Variants in KCNAB1 observed in about 807,000 individuals in gnomAD.
KCNAB1 encodes voltage-gated potassium channel subunit beta-1.
A neutral mutation model predicts 64.6 loss-of-function variants in KCNAB1; 35 were observed. That is an observed-to-expected ratio of 0.54 (90% CI 0.41 to 0.72). The LOEUF (loss-of-function observed/expected upper bound fraction) is 0.72. Among genes scored for constraint, KCNAB1 ranks in the 30% least tolerant of loss-of-function variants. KCNAB1 has a pLI of 0.00. For missense variants in KCNAB1, 401 were observed against 512.9 expected (o/e 0.78, Z 2.11); for synonymous variants, 177 against 183.8 (o/e 0.96, Z 0.30).
rs1357744395 is a variant in KCNAB1, at chr3:156,459,836, G to C, written c.447G>C (p.Val149=). Residue 149 remains valine (V), a synonymous_variant, in exon 5 of 14, where the codon GTG becomes GTC. Transcript: ENST00000490337. The part of the protein sequence containing the change: ...AEVYAAGKAE[V]ILGSIIKKKG... Reference sequence around the variant, plus strand: ...CTGTTTCCCCTTCCAGGGCTGAAGTGATTCTGGGGAGCATCATCAAGAAGA... The same window carrying C: ...CTGTTTCCCCTTCCAGGGCTGAAGTCATTCTGGGGAGCATCATCAAGAAGA... 6 of 1,610,384 alleles carry C rather than the reference G, an allele frequency of 3.7e-6. No individual in the cohort carries two copies. The East Asian group carries it at 1.3e-4, about 36-fold the overall frequency.
intron 1 of KCNAB1, among the ~76,000 whole-genome samples, chr3:156,390,152 G>A (rs1208851374): frequency 6.6e-6 from 1 of 152,196 alleles, no homozygotes; most frequent in Non-Finnish European, 1.5e-5. Context: ...TCAAACCTAT[G>A]AAAGCAGCTC....
intron 1 of KCNAB1, among the ~76,000 whole-genome samples, chr3:156,242,734 A>C (rs114825835): frequency 0.016 from 2,391 of 149,226 alleles, 63 homozygotes; most frequent in African/African-American, 0.055. Context: ...CAGTGATTCC[A>C]GTTGTTATCA....
Position 156,248,571 on chromosome 3 carries a change from A to G in KCNAB1, c.275+127685A>G, listed in dbSNP as rs181193711. Among the ~76,000 whole-genome samples, 11 of 151,360 alleles carry G rather than the reference A, an allele frequency of 7.3e-5. No homozygotes were observed. The East Asian group carries it at 2.1e-3, about 30-fold the overall frequency. ...TACAGATGTAAGTACTATAGAATGA[A>G]TGCCATTAGTTAAGACTCTCTGGGG... On this transcript the variant is annotated intron_variant, in intron 1 of 13. Coordinates refer to ENST00000490337, the MANE Select transcript of KCNAB1 (RefSeq NM_172160.3).
chr3:156,408,017 C>G (rs1051623857), intron 1 of KCNAB1, among the ~76,000 whole-genome samples: 74 of 152,086 alleles, frequency 4.9e-4, no homozygotes, highest in African/African-American at 1.6e-3. Flanking sequence ...GCCATGGCAT[C>G]AATCACAGAG....
intron 1 of KCNAB1, among the ~76,000 whole-genome samples, chr3:156,164,887 G>A (rs1716279280): frequency 6.6e-6 from 1 of 152,212 alleles, no homozygotes; most frequent in Admixed American, 6.5e-5. Flanking sequence ...GATTGCAAGT[G>A]CTTAAATAGG....
At chr3:156,495,761 G>A (rs565539962) in intron 8 of KCNAB1, among the ~76,000 whole-genome samples, 11 of 152,276 alleles carry the variant, frequency 7.2e-5, no homozygotes, top group African/African-American at 2.6e-4. Context: ...TAGTTAACAT[G>A]TAAAGTGTTT....
chr3:156,484,587 A>G (rs1715063682), intron 8 of KCNAB1, among the ~76,000 whole-genome samples: 1 of 151,950 alleles, frequency 6.6e-6, no homozygotes. Flanking sequence ...CATTTCTGTA[A>G]GTTCCTCGAT....
At chr3:156,347,472 A>G (rs1014327715) in intron 1 of KCNAB1, among the ~76,000 whole-genome samples, 2 of 152,228 alleles carry the variant, frequency 1.3e-5, no homozygotes, top group Non-Finnish European at 2.9e-5. Flanking sequence ...ATCAGTGAGA[A>G]CCTAAATCAT....
At position 156,166,222 on chromosome 3, in the gene KCNAB1, T is replaced by C. The variant is rs1312825851; in HGVS notation, c.275+45336T>C. On this transcript the variant is annotated intron_variant, in intron 1 of 13. Coordinates refer to ENST00000490337, the MANE Select transcript of KCNAB1 (RefSeq NM_172160.3). ...TTAAGTGTAGTGTTGAAAACAATTATCAGTGTCATGCCATGGGCATGAGGC... is the reference window on the plus strand; with the variant it reads ...TTAAGTGTAGTGTTGAAAACAATTACCAGTGTCATGCCATGGGCATGAGGC... Among the ~76,000 whole-genome samples the C allele has an allele frequency of 3.9e-5, 6 of 152,198 alleles. No homozygotes were observed. In the East Asian group the frequency reaches 1.2e-3, roughly 29 times the overall value.
intron 1 of KCNAB1, among the ~76,000 whole-genome samples, chr3:156,393,738 C>G (rs1360893661): frequency 6.6e-6 from 1 of 152,144 alleles, no homozygotes; most frequent in African/African-American, 2.4e-5. Context: ...TTCCTCCATT[C>G]CCTCTTTCTA....
In KCNAB1 at chr3:156,537,251, AAGC is replaced by A. The variant is rs1427629998; in HGVS notation, c.*507_*509del. On this transcript the variant is annotated 3_prime_UTR_variant, in exon 14 of 14. Coordinates refer to ENST00000490337, the MANE Select transcript of KCNAB1 (RefSeq NM_172160.3). ...AATATATCTCACTGCAAAAAAAAAA[AAGC>A]AGTATCTTCACTCAAAAGTCTTGCT... The A allele has an allele frequency of 5.1e-6, 2 of 390,002 alleles. No homozygotes were observed. Among genetic ancestry groups the A allele is most frequent in the South Asian group, 1.4e-4 (1 of 6,910 alleles). 24.2% of individuals were successfully genotyped at this position (390,002 alleles called of 1,614,324 possible).
At chr3:156,528,187 A>AAAAAAAG (rs59586180) in intron 12 of KCNAB1, among the ~76,000 whole-genome samples, 10 of 151,260 alleles carry the variant, frequency 6.6e-5, no homozygotes, top group Admixed American at 2.6e-4. Context: ...AAAAAAAAAA[A>AAAAAAAG]AGAGAGAGAA....
At chr3:156,510,826 G>A (rs1386737480) in intron 8 of KCNAB1, among the ~76,000 whole-genome samples, 1 of 152,150 alleles carries the variant, frequency 6.6e-6, no homozygotes, top group Non-Finnish European at 1.5e-5. Flanking sequence ...TCTGCTCTTG[G>A]TCTGACACAT....
At chr3:156,129,475 G>A (rs1398617459) in intron 1 of KCNAB1, among the ~76,000 whole-genome samples, 1 of 152,102 alleles carries the variant, frequency 6.6e-6, no homozygotes, top group Non-Finnish European at 1.5e-5. Context: ...TCCTCTATAA[G>A]TCACCACAGA....
chr3:156,450,316 G>C (rs1711901042), intron 2 of KCNAB1, among the ~76,000 whole-genome samples: 1 of 152,140 alleles, frequency 6.6e-6, no homozygotes, highest in African/African-American at 2.4e-5. Context: ...ATAACACAGA[G>C]TCAGCCATTT....
rs538143718 is a variant in KCNAB1 at position 156,485,107 on chromosome 3, A to C, written c.658+10287A>C. Among the ~76,000 whole-genome samples the C allele has an allele frequency of 2.0e-5, 3 of 152,278 alleles. No homozygotes were observed. In the East Asian group the frequency reaches 5.8e-4, roughly 29 times the overall value. ...GTTACATATGTTTACACTTTTAGGA[A>C]TATATAAACCTTGGAAGATGTAATA... On this transcript the variant is annotated intron_variant, in intron 8 of 13. Transcript: ENST00000490337.
chr3:156,155,011 G>A (rs1202332644), intron 1 of KCNAB1, among the ~76,000 whole-genome samples: 2 of 152,152 alleles, frequency 1.3e-5, no homozygotes, highest in Non-Finnish European at 2.9e-5. Flanking sequence ...TCTCATGACT[G>A]TCTCATTTAA....
intron 12 of KCNAB1, 182 bp downstream of exon 12, chr3:156,524,129 T>C: frequency 1.7e-6 from 1 of 571,772 alleles, no homozygotes; most frequent in African/African-American, 1.9e-5. Flanking sequence ...TTCTACATGA[T>C]AGCAAATTTT....
At chr3:156,273,051 C>A (rs528706197) in intron 1 of KCNAB1, among the ~76,000 whole-genome samples, 557 of 152,084 alleles carry the variant, frequency 3.7e-3, no homozygotes, top group Non-Finnish European at 6.0e-3. Flanking sequence ...TGCCTGCTGC[C>A]CTATCTACCA....
Sources: gnomAD v4.1 joint callset for allele counts (sites outside exome capture counted in the v4.1 genomes callset) on GRCh38, gnomAD v4.1.1 for gene constraint, MANE v1.5 for transcripts, NCBI Gene and HGNC (gene_info 2026-07-23, HGNC 2026-07-21) for gene names.